SPAG17: variants seen among roughly 807,000 people sequenced by gnomAD.
The protein encoded by SPAG17 is sperm-associated antigen 17.
In SPAG17, 169 loss-of-function variants were observed where a neutral mutation model predicts 273.6. The ratio of observed to expected loss-of-function variants is 0.62; its 90% CI spans 0.55 to 0.70. The LOEUF is 0.70. Ranked by LOEUF, SPAG17 falls within the 30% of genes least tolerant of loss-of-function variation. The pLI is 0.00. For missense variants in SPAG17, 2,557 were observed against 2,627.8 expected (o/e 0.97, Z 0.59); for synonymous variants, 825 against 873.2 (o/e 0.94, Z 0.97).
At chr1:118,152,733 A>C (rs1659456500) in intron 1 of SPAG17, among the ~76,000 whole-genome samples, 1 of 152,166 alleles carries the variant, frequency 6.6e-6, no homozygotes, top group Non-Finnish European at 1.5e-5. Flanking sequence ...TTTGTCTCTA[A>C]ATTCACCAGG....
In SPAG17 at chr1:118,052,829, G is replaced by GT. The variant is rs567984714; in HGVS notation, c.2814+1172dup. Among the ~76,000 whole-genome samples the GT allele has an allele frequency of 2.5e-3, 375 of 151,956 alleles. 2 individuals carry two copies. The highest frequency in any genetic ancestry group is 8.5e-3 in the African/African-American group (351 of 41,488). On this transcript the variant is annotated intron_variant, in intron 20 of 48. Coordinates refer to ENST00000336338, the MANE Select transcript of SPAG17 (RefSeq NM_206996.4). ...ATAAAATGCTATCAAATCAAACCCA[G>GT]TTTTTTATGGAAATAATAATATGCC...
chr1:118,137,822 A>G (rs1210251160), intron 3 of SPAG17, among the ~76,000 whole-genome samples: 1 of 152,188 alleles, frequency 6.6e-6, no homozygotes. Context: ...ATTTCTATCC[A>G]ATAGTCAATC....
At chr1:118,180,592 G>A (rs1662909241) in intron 1 of SPAG17, among the ~76,000 whole-genome samples, 1 of 151,784 alleles carries the variant, frequency 6.6e-6, no homozygotes, top group Non-Finnish European at 1.5e-5. Flanking sequence ...GAGAATAATT[G>A]GAATGTTTCT....
At chr1:118,110,409 A>G (rs551258332) in intron 4 of SPAG17, among the ~76,000 whole-genome samples, 4 of 152,354 alleles carry the variant, frequency 2.6e-5, no homozygotes, top group African/African-American at 9.6e-5. Context: ...AGGGTTACAC[A>G]TTGCAAATGT....
chr1:118,010,779 C>G (rs12061201), intron 30 of SPAG17, among the ~76,000 whole-genome samples: 16,466 of 152,066 alleles, frequency 0.11, 2,491 homozygotes, highest in African/African-American at 0.34. Flanking sequence ...AAACTGACAA[C>G]CTACAGAATG....
chr1:118,031,955 AC>A, intron 24 of SPAG17, 88 bp from the exon 25 acceptor site: 1 of 1,039,876 alleles, frequency 9.6e-7, no homozygotes, highest in Non-Finnish European at 1.4e-6. Context: ...AAAAATTTAC[AC>A]AAGTTGACAA....
chr1:118,056,048 G>C, intron 18 of SPAG17, 134 bp from the exon 19 acceptor site: 2 of 627,240 alleles, frequency 3.2e-6, no homozygotes, highest in Non-Finnish European at 5.1e-6. Context: ...GATGTATTTT[G>C]TACAAAATAG....
chr1:118,100,042 A>G (rs1243832290), intron 5 of SPAG17, among the ~76,000 whole-genome samples: 1 of 152,236 alleles, frequency 6.6e-6, no homozygotes, highest in Non-Finnish European at 1.5e-5. Flanking sequence ...TAGGCGTAAT[A>G]GAAGGACAAA....
At chr1:118,147,579 G>A (rs961988743) in intron 3 of SPAG17, among the ~76,000 whole-genome samples, 4 of 152,286 alleles carry the variant, frequency 2.6e-5, no homozygotes, top group East Asian at 1.9e-4. Context: ...CTGCAGCTAC[G>A]TCTCTACAGA....
At position 118,081,712 on chromosome 1, in the gene SPAG17, A is replaced by G. The variant is rs773264583; in HGVS notation, c.1763-70T>C. The G allele has an allele frequency of 3.1e-6, 4 of 1,275,822 alleles. No individual in the cohort carries two copies. The African/African-American group carries it at 5.9e-5, about 19-fold the overall frequency. The allele number at this position is 1,275,822 out of a possible 1,614,324, so 79.0% of individuals were successfully genotyped here. A position where few individuals can be genotyped will look rare whatever the true frequency, so the allele number is the denominator to read the frequency against. ...CACATGGTACAGGGTTGACAGAGGG[A>G]TAACCAGGGAGTCTGTCTACCAGAA... On this transcript the variant is annotated intron_variant, in intron 13 of 48. Transcript: ENST00000336338.
rs138062448 is a variant in SPAG17, at chr1:117,957,699, TTTG to T, written c.*1-3653_*1-3651del. 2.4e-4 allele frequency among the ~76,000 whole-genome samples: 37 copies of T among 152,346 alleles called. 1 individual carries two copies. The highest frequency in any genetic ancestry group is 8.4e-4 in the African/African-American group (35 of 41,588). On this transcript the variant is annotated intron_variant, in intron 48 of 48. Coordinates refer to ENST00000336338, the MANE Select transcript of SPAG17 (RefSeq NM_206996.4). ...AACATTATGATTTTTTTGTGATTTCTTTGTTGTTGTTGTTCATCAGCTATCATT... is the reference window on the plus strand; with the variant it reads ...AACATTATGATTTTTTTGTGATTTCTTTGTTGTTGTTCATCAGCTATCATT...
intron 47 of SPAG17, 91 bp from the exon 48 acceptor site, chr1:117,964,029 T>C (rs1481155677): frequency 2.8e-6 from 4 of 1,411,520 alleles, no homozygotes; most frequent in Non-Finnish European, 3.9e-6. Context: ...GAATTTCTTC[T>C]CTGGCAACAT....
At chr1:118,015,881 A>T (rs1009672550) in intron 29 of SPAG17, 84 bp downstream of exon 29, 1 of 1,176,612 alleles carries the variant, frequency 8.5e-7, no homozygotes, top group African/African-American at 1.5e-5. Flanking sequence ...TTGAAAAAAT[A>T]TTATCAGCTA....
At chr1:118,040,878 G>A in intron 21 of SPAG17, 37 bp from the exon 22 acceptor site, 3 of 1,347,788 alleles carry the variant, frequency 2.2e-6, no homozygotes, top group Non-Finnish European at 3.2e-6. Context: ...GTGTGAAGCT[G>A]CAATAGACAA....
At chr1:118,104,454 C>T (rs1326885079) in intron 4 of SPAG17, among the ~76,000 whole-genome samples, 1 of 152,174 alleles carries the variant, frequency 6.6e-6, no homozygotes, top group Non-Finnish European at 1.5e-5. Context: ...CACATTCTCT[C>T]CCTAGAAGAG....
intron 1 of SPAG17, among the ~76,000 whole-genome samples, chr1:118,159,636 G>C (rs1659813899): frequency 6.6e-6 from 1 of 152,126 alleles, no homozygotes; most frequent in Non-Finnish European, 1.5e-5. Flanking sequence ...TTTGAATTTA[G>C]ATATGTCCTG....
chr1:118,147,786 T>C (rs1659109533), intron 3 of SPAG17, among the ~76,000 whole-genome samples: 1 of 152,206 alleles, frequency 6.6e-6, no homozygotes, highest in South Asian at 2.1e-4. Context: ...AATGTGGTCT[T>C]TGCTAGCCCA....
At chr1:118,161,908 A>C (rs1238825410) in intron 1 of SPAG17, among the ~76,000 whole-genome samples, 1 of 152,192 alleles carries the variant, frequency 6.6e-6, no homozygotes, top group African/African-American at 2.4e-5. Context: ...CACTAAAGCC[A>C]GGGGAGGAAT....
At chr1:118,115,873 G>A (rs1324884498) in intron 3 of SPAG17, among the ~76,000 whole-genome samples, 1 of 152,202 alleles carries the variant, frequency 6.6e-6, no homozygotes, top group Non-Finnish European at 1.5e-5. Context: ...TTTTATAATA[G>A]TGGAAATGAC....
Sources: allele counts gnomAD v4.1 joint callset (sites outside exome capture counted in the v4.1 genomes callset), GRCh38; gene constraint gnomAD v4.1.1; transcripts MANE v1.5; gene names NCBI Gene and HGNC (gene_info 2026-07-23, HGNC 2026-07-21).